The following AGBL4 variants were observed in gnomAD, a reference collection of about 807,000 sequenced individuals.
AGBL4 encodes cytosolic carboxypeptidase 6.
A neutral mutation model predicts 66.4 loss-of-function variants in AGBL4; 58 were observed. That is an observed-to-expected ratio of 0.87 (90% confidence interval 0.71 to 1.09). The LOEUF (loss-of-function observed/expected upper bound fraction) is 1.09. Ranked by LOEUF, AGBL4 falls within the 50% of genes least tolerant of loss-of-function variation. AGBL4 has a pLI of 0.00. For synonymous variants in AGBL4, 234 were observed against 222.9 expected, an observed-to-expected ratio of 1.05 and a Z score of -0.44; for missense variants, 579 against 631.0, an observed-to-expected ratio of 0.92 and a Z score of 0.88.
At chr1:48,979,204 T>C (rs1275948080) in intron 5 of AGBL4, among the ~76,000 whole-genome samples, 1 of 152,212 alleles carries the variant, frequency 6.6e-6, no homozygotes, top group East Asian at 1.9e-4. Flanking sequence ...TTAGTATCTC[T>C]ACTTTTCCTC....
At chr1:49,455,876 C>A (rs542846881) in intron 3 of AGBL4, among the ~76,000 whole-genome samples, 1 of 151,774 alleles carries the variant, frequency 6.6e-6, no homozygotes, top group Admixed American at 6.6e-5. Context: ...ACTGGCTATA[C>A]TCTCTGCATA....
At chr1:48,620,051 C>T (rs1645385458) in intron 9 of AGBL4, among the ~76,000 whole-genome samples, 1 of 152,140 alleles carries the variant, frequency 6.6e-6, no homozygotes, top group Non-Finnish European at 1.5e-5. Context: ...ATCGGCTTGC[C>T]CTCCGAAGGT....
At chr1:49,910,186 A>C (rs1487337047) in intron 1 of AGBL4, among the ~76,000 whole-genome samples, 2 of 152,234 alleles carry the variant, frequency 1.3e-5, no homozygotes, top group African/African-American at 4.8e-5. Context: ...ATGAGAAACA[A>C]ACAAGTGAAA....
intron 3 of AGBL4, among the ~76,000 whole-genome samples, chr1:49,574,462 G>C (rs1261359979): frequency 6.6e-6 from 1 of 152,174 alleles, no homozygotes; most frequent in Non-Finnish European, 1.5e-5. Context: ...CAAAGGCTTA[G>C]GGAGATTGGT....
At chr1:48,532,244 C>A (rs1414765248), downstream of AGBL4, among the ~76,000 whole-genome samples, 1 of 152,188 alleles carries the variant, frequency 6.6e-6, no homozygotes, top group Non-Finnish European at 1.5e-5. Flanking sequence ...CACGTAAGTT[C>A]ATTAAACTTT....
Position 48,915,763 on chromosome 1 carries a change from T to C in AGBL4, c.595-48533A>G, listed in dbSNP as rs76070869. Among the ~76,000 whole-genome samples, 329 of 152,074 alleles carry C rather than the reference T, an allele frequency of 2.2e-3. 11 individuals are homozygous for C. The East Asian group carries it at 0.057, about 26-fold the overall frequency. On this transcript the variant is annotated intron_variant, in intron 5 of 13. Transcript: ENST00000371839. Reference sequence around the variant, plus strand: ...GTTTGTGAACTGCTGTACTAAAGGATAGAAGGAATCAAAGAGGATTTCTCT... The same window carrying C: ...GTTTGTGAACTGCTGTACTAAAGGACAGAAGGAATCAAAGAGGATTTCTCT...
chr1:49,636,216 T>C (rs1188165839), intron 3 of AGBL4, among the ~76,000 whole-genome samples: 2 of 152,190 alleles, frequency 1.3e-5, no homozygotes, highest in African/African-American at 4.8e-5. Context: ...TTTCTCACAG[T>C]TCTGGGCATT....
intron 3 of AGBL4, among the ~76,000 whole-genome samples, chr1:49,545,639 T>C (rs990600766): frequency 2.6e-5 from 4 of 152,216 alleles, no homozygotes; most frequent in Non-Finnish European, 4.4e-5. Context: ...ATCTATGGTA[T>C]ATGAGTACCT....
chr1:49,523,310 C>T (rs1650410137), intron 3 of AGBL4, among the ~76,000 whole-genome samples: 1 of 152,036 alleles, frequency 6.6e-6, no homozygotes, highest in African/African-American at 2.4e-5. Flanking sequence ...GACCTTAACT[C>T]TAGTTATGTT....
At chr1:49,797,851 C>T in intron 2 of AGBL4, among the ~76,000 whole-genome samples, 1 of 151,912 alleles carries the variant, frequency 6.6e-6, no homozygotes, top group Non-Finnish European at 1.5e-5. Context: ...GTAACTTCCG[C>T]CTCCCGCGTT....
chr1:48,581,455 T>C (rs753361452), intron 11 of AGBL4, among the ~76,000 whole-genome samples: 12 of 152,204 alleles, frequency 7.9e-5, no homozygotes, highest in Non-Finnish European at 1.8e-4. Context: ...TCTCATCCAT[T>C]ATGTCAAAGA....
intron 7 of AGBL4, among the ~76,000 whole-genome samples, chr1:48,662,773 C>T (rs1418784051): frequency 2.6e-5 from 4 of 152,166 alleles, no homozygotes; most frequent in Non-Finnish European, 5.9e-5. Context: ...TTTCACAGCT[C>T]TTCTGCCAAC....
chr1:48,595,151 G>T (rs902452106), intron 9 of AGBL4, among the ~76,000 whole-genome samples: 1 of 152,154 alleles, frequency 6.6e-6, no homozygotes, highest in African/African-American at 2.4e-5. Context: ...TGAGTTAACA[G>T]CCTCCTCTGC....
intron 1 of AGBL4, among the ~76,000 whole-genome samples, chr1:49,934,745 T>C (rs911228021): frequency 7.0e-6 from 1 of 142,678 alleles, no homozygotes; most frequent in Non-Finnish European, 1.5e-5. Context: ...CTCAAGAGAC[T>C]AGAAAAAGAA....
intron 4 of AGBL4, among the ~76,000 whole-genome samples, chr1:49,059,530 C>T (rs1055699306): frequency 4.6e-5 from 7 of 152,240 alleles, no homozygotes; most frequent in Admixed American, 1.3e-4. Flanking sequence ...ACACAGAGTT[C>T]CCACTGGGGC....
intron 5 of AGBL4, among the ~76,000 whole-genome samples, chr1:48,895,371 G>T (rs1651403669): frequency 6.6e-6 from 1 of 152,142 alleles, no homozygotes; most frequent in Non-Finnish European, 1.5e-5. Flanking sequence ...TCCCAGCAAG[G>T]GACCCAGGAC....
chr1:49,128,437 C>T (rs1411153298), intron 4 of AGBL4, among the ~76,000 whole-genome samples: 1 of 151,968 alleles, frequency 6.6e-6, no homozygotes, highest in Non-Finnish European at 1.5e-5. Context: ...AGAGCCTATA[C>T]TACCTGATTT....
At chr1:49,717,611 A>T (rs1195332992) in intron 2 of AGBL4, among the ~76,000 whole-genome samples, 1 of 151,982 alleles carries the variant, frequency 6.6e-6, no homozygotes, top group Non-Finnish European at 1.5e-5. Flanking sequence ...CACAGCACTC[A>T]CTACATCGAA....
chr1:48,721,375 A>G (rs1199273858), intron 6 of AGBL4, among the ~76,000 whole-genome samples: 2 of 152,186 alleles, frequency 1.3e-5, no homozygotes, highest in Non-Finnish European at 2.9e-5. Flanking sequence ...TGAATGAGAA[A>G]TGCTGAGGAA....
Sources: gnomAD v4.1 joint callset for allele counts (sites outside exome capture counted in the v4.1 genomes callset) on GRCh38, gnomAD v4.1.1 for gene constraint, MANE v1.5 for transcripts, NCBI Gene and HGNC (gene_info 2026-07-23, HGNC 2026-07-21) for gene names.